The following SHMT1 variants were observed in gnomAD, a reference collection of about 807,000 sequenced individuals.
The protein encoded by SHMT1 is serine hydroxymethyltransferase, cytosolic.
Under a neutral mutation model 49.0 loss-of-function variants are expected in SHMT1, and 45 were observed. The ratio of observed to expected loss-of-function variants is 0.92; its 90% confidence interval spans 0.72 to 1.18. The LOEUF is 1.18. Among genes scored for constraint, SHMT1 ranks in the 50% most tolerant of loss-of-function variants. The pLI is 0.00. For missense variants in SHMT1, 541 were observed against 612.4 expected, an observed-to-expected ratio of 0.88 and a Z score of 1.23; for synonymous variants, 232 against 246.6, an observed-to-expected ratio of 0.94 and a Z score of 0.55.
chr17:18,354,826 T>C (rs557722215), intron 2 of SHMT1, among the ~76,000 whole-genome samples: 1 of 144,528 alleles, frequency 6.9e-6, no homozygotes, highest in East Asian at 2.0e-4. Flanking sequence ...GATCACGAGG[T>C]CAGGAGATCA....
intron 1 of SHMT1, among the ~76,000 whole-genome samples, chr17:18,356,353 A>AT (rs750835252): frequency 1.4e-5 from 2 of 144,338 alleles, no homozygotes; most frequent in African/African-American, 2.6e-5. Context: ...ATTTATTTTT[A>AT]TTTTTTTGAG....
intron 7 of SHMT1, among the ~76,000 whole-genome samples, chr17:18,337,583 GT>G: frequency 1.1e-5 from 1 of 87,204 alleles, no homozygotes; most frequent in African/African-American, 4.2e-5. Flanking sequence ...TCTCCCCACG[GT>G]CTCCCTCTCC....
chr17:18,360,891 C>G (rs959918466), intron 1 of SHMT1, among the ~76,000 whole-genome samples: 6 of 152,194 alleles, frequency 3.9e-5, no homozygotes, highest in Non-Finnish European at 7.3e-5. Flanking sequence ...AAAAAGCGGT[C>G]AGGCGCGGTG....
chr17:18,343,790 T>C (rs551423656), intron 5 of SHMT1, among the ~76,000 whole-genome samples: 1 of 149,744 alleles, frequency 6.7e-6, no homozygotes, highest in East Asian at 2.0e-4. Flanking sequence ...CATGGTGGCA[T>C]GCGCCTCTAG....
At chr17:18,355,758 C>T (rs2151604376) in intron 2 of SHMT1, 128 bp downstream of exon 2, 2 of 701,574 alleles carry the variant, frequency 2.9e-6, no homozygotes, top group Admixed American at 2.1e-5. Flanking sequence ...ATTTTGTCTG[C>T]CACCACCTCT....
chr17:18,353,458 T>C (rs1985918080), intron 3 of SHMT1: 3 of 619,292 alleles, frequency 4.8e-6, no homozygotes, highest in South Asian at 1.8e-5. Flanking sequence ...CCCAAAGAAC[T>C]GTGAAATGTG....
chr17:18,355,774 C>T, intron 2 of SHMT1, 112 bp downstream of exon 2: 1 of 736,908 alleles, frequency 1.4e-6, no homozygotes, highest in South Asian at 1.5e-5. Flanking sequence ...CCTCTAAATC[C>T]AGCAGGATAA....
chr17:18,355,108 G>A (rs529586309), intron 2 of SHMT1, among the ~76,000 whole-genome samples: 67 of 124,104 alleles, frequency 5.4e-4, no homozygotes, highest in African/African-American at 1.1e-3. Context: ...GGTGGCTCAC[G>A]CCTGTAATCC....
intron 5 of SHMT1, chr17:18,341,609 C>T (rs1386202537): frequency 2.3e-5 from 3 of 129,638 alleles, no homozygotes; most frequent in African/African-American, 9.2e-5. Context: ...CACTGCACTC[C>T]AGCACTCCAG....
intron 4 of SHMT1, 55 bp from the exon 5 acceptor site, chr17:18,347,711 G>A: frequency 3.1e-6 from 5 of 1,603,450 alleles, no homozygotes; most frequent in Non-Finnish European, 4.3e-6. Flanking sequence ...GTACCAAGTG[G>A]CATCCGGGAC....
chr17:18,331,166 A>G, intron 9 of SHMT1: 1 of 281,870 alleles, frequency 3.5e-6, no homozygotes, highest in South Asian at 3.8e-5. Flanking sequence ...TGACAACAGC[A>G]AGGCTAACAG....
chr17:18,344,577 GAAAAA>G (rs10655994), intron 5 of SHMT1, among the ~76,000 whole-genome samples: 10 of 65,392 alleles, frequency 1.5e-4, no homozygotes, highest in Admixed American at 2.1e-4. Context: ...ACAATTACCG[GAAAAA>G]AAAAAAAAAA....
intron 1 of SHMT1, among the ~76,000 whole-genome samples, chr17:18,361,554 G>A (rs1049250959): frequency 3.3e-4 from 50 of 151,786 alleles, no homozygotes; most frequent in African/African-American, 1.2e-3. Flanking sequence ...TTGGGAGGCC[G>A]AGGCGGGCAG....
intron 9 of SHMT1, 151 bp from the exon 10 acceptor site, chr17:18,330,822 CGA>C (rs1170747297): frequency 1.3e-5 from 9 of 690,402 alleles, no homozygotes; most frequent in South Asian, 3.0e-5. Flanking sequence ...CTAATCCCCA[CGA>C]GAGATGCCCG....
At chr17:18,348,612 G>T in intron 3 of SHMT1, 172 bp from the exon 4 acceptor site, 1 of 723,120 alleles carries the variant, frequency 1.4e-6, no homozygotes, top group Non-Finnish European at 2.6e-6. Flanking sequence ...TTCCACCAAT[G>T]CCTCTGGAAT....
At chr17:18,333,712 C>T (rs1297017427) in intron 8 of SHMT1, among the ~76,000 whole-genome samples, 4 of 151,318 alleles carry the variant, frequency 2.6e-5, no homozygotes, top group Non-Finnish European at 2.9e-5. Context: ...TCAAGTGATC[C>T]GCCTGCCTTG....
intron 3 of SHMT1, among the ~76,000 whole-genome samples, chr17:18,348,965 C>G (rs1431678284): frequency 1.1e-5 from 1 of 92,658 alleles, no homozygotes; most frequent in Admixed American, 1.2e-4. Context: ...GACCCTGTCT[C>G]AAAAAAAAAA....
Position 18,345,449 on chromosome 17 carries a change from C to T in SHMT1, c.519+2047G>A, listed in dbSNP as rs183438107. Among the ~76,000 whole-genome samples the T allele has an allele frequency of 1.4e-4, 22 of 152,022 alleles. No homozygotes were observed. The East Asian group carries it at 4.3e-3, about 30-fold the overall frequency. Reference sequence around the variant, plus strand: ...ATTTCTGTATTTTTAGTAGAGAAGGCTTTCACCATGTTGGCCAGGCTGGTC... The same window carrying T: ...ATTTCTGTATTTTTAGTAGAGAAGGTTTTCACCATGTTGGCCAGGCTGGTC... On this transcript the variant is annotated intron_variant, in intron 5 of 11. Coordinates refer to ENST00000316694, the MANE Select transcript of SHMT1 (RefSeq NM_004169.5).
chr17:18,344,782 G>C (rs185985592), intron 5 of SHMT1, among the ~76,000 whole-genome samples: 1 of 152,234 alleles, frequency 6.6e-6, no homozygotes, highest in East Asian at 1.9e-4. Flanking sequence ...CAGTCACTTA[G>C]GACCAGGGAC....
Sources: allele counts gnomAD v4.1 joint callset (sites outside exome capture counted in the v4.1 genomes callset), GRCh38; gene constraint gnomAD v4.1.1; transcripts MANE v1.5; gene names NCBI Gene and HGNC (gene_info 2026-07-23, HGNC 2026-07-21).